LENG8: variants seen among roughly 807,000 people sequenced by gnomAD.
LENG8 encodes the protein leukocyte receptor cluster member 8, also known as leukocyte receptor cluster (LRC) member 8.
Under a neutral mutation model 102.1 loss-of-function variants are expected in LENG8, and 28 were observed. The ratio of observed to expected loss-of-function variants is 0.27; its 90% CI spans 0.20 to 0.38. LENG8 has a LOEUF of 0.38. Among genes scored for constraint, LENG8 ranks in the 10% least tolerant of loss-of-function variants. The probability of loss-of-function intolerance (pLI) is 1.00; values close to 1 mark genes in which losing one functional copy is unlikely to be tolerated. For synonymous variants in LENG8, 531 were observed against 456.7 expected (o/e 1.16, Z -2.07); for missense variants, 1,022 against 1,113.9 (o/e 0.92, Z 1.17).
intron 7 of LENG8, 30 bp from the exon 8 acceptor site, chr19:54,455,334 C>T: frequency 6.2e-7 from 1 of 1,610,562 alleles, no homozygotes; most frequent in Non-Finnish European, 8.5e-7. Context: ...GGATCGTCTC[C>T]AGCTGAGCCC....
At chr19:54,449,985 G>C (rs573788240) in intron 1 of LENG8, among the ~76,000 whole-genome samples, 4 of 152,150 alleles carry the variant, frequency 2.6e-5, no homozygotes, top group African/African-American at 4.8e-5. Context: ...TTCCTATCCC[G>C]TCAACTCGTG....
At position 54,455,597 on chromosome 19, in the gene LENG8, G is replaced by T. The variant is rs202120835; in HGVS notation, c.1025+30G>T. Reference sequence around the variant, plus strand: ...GTCTGGGTGGGGGACATAGGTGGGAGGGTGGTGCTGTGAGAGGCATGGGCT... The same window carrying T: ...GTCTGGGTGGGGGACATAGGTGGGATGGTGGTGCTGTGAGAGGCATGGGCT... On this transcript the variant is annotated intron_variant, in intron 8 of 15. Transcript: ENST00000326764. 4 of 1,579,666 alleles carry T rather than the reference G, an allele frequency of 2.5e-6. No individual in the cohort carries two copies. In the African/African-American group the frequency reaches 5.4e-5, roughly 21 times the overall value.
At chr19:54,460,184 G>A (rs1254490961) in intron 15 of LENG8, 2 of 1,289,908 alleles carry the variant, frequency 1.6e-6, no homozygotes, top group Admixed American at 2.3e-5. Context: ...CGGTGCCTGG[G>A]TTCCTGTGTG....
intron 4 of LENG8, among the ~76,000 whole-genome samples, 154 bp downstream of exon 4, chr19:54,452,906 T>C (rs1244192618): frequency 6.6e-6 from 1 of 151,922 alleles, no homozygotes; most frequent in Non-Finnish European, 1.5e-5. Context: ...GCCCAGGAGG[T>C]AAATTCCTAG....
rs756892790 is a variant in LENG8, at chr19:54,458,479, C to A, written c.2198C>A (p.Ala733Glu). 6.2e-7 allele frequency: 1 copy of A among 1,614,270 alleles called. No individual in the cohort carries two copies. Among genetic ancestry groups the A allele is most frequent in the Non-Finnish European group, 8.5e-7 (1 of 1,180,056 alleles). Residue 733 changes from alanine to glutamate, a missense_variant, in exon 15 of 16, where the codon GCA (alanine) becomes GAA (glutamate). Ala to Glu is a moderately radical substitution (Grantham distance 107). This residue lies in a region of LENG8 where 129 missense variants were observed against 123.0 expected (regional missense o/e 1.05). Coordinates refer to ENST00000326764, the MANE Select transcript of LENG8 (RefSeq NM_052925.4). ...TCTGGCTACCTCGTGGACAAGTTTGCAGATCGGGAGCGCAAGGTCGCCCTC... is the reference window on the plus strand; with the variant it reads ...TCTGGCTACCTCGTGGACAAGTTTGAAGATCGGGAGCGCAAGGTCGCCCTC... ...CMSGYLVDKF[A>E]DRERKVALKA...
At chr19:54,460,686 G>T in intron 15 of LENG8, 80 bp from the exon 16 acceptor site, 7 of 1,445,696 alleles carry the variant, frequency 4.8e-6, no homozygotes, top group East Asian at 5.1e-5. Context: ...GCACCCGAAT[G>T]GGGGGGCCTC....
chr19:54,449,390 C>G (rs931660595), intron 1 of LENG8, 80 bp downstream of exon 1: 1 of 152,216 alleles, frequency 6.6e-6, no homozygotes, highest in East Asian at 1.9e-4. Flanking sequence ...CCGAGGCCTT[C>G]TCGGCCGTCG....
At position 54,454,754 on chromosome 19, in the gene LENG8, G is replaced by C. The variant is rs1045106104; in HGVS notation, c.679+72G>C. ...AAGAGCTCCTGGGTGTGAGGCCCGT[G>C]GTGTGTGCTGCTCCTTGTTTCTGGG... On this transcript the variant is annotated intron_variant, in intron 6 of 15. Transcript: ENST00000326764. 2.0e-6 allele frequency: 3 copies of C among 1,489,410 alleles called. No homozygotes were observed. The Admixed American group carries it at 6.0e-5, about 30-fold the overall frequency. 92.3% of individuals were successfully genotyped at this position (1,489,410 alleles called of 1,614,324 possible).
intron 15 of LENG8, 68 bp from the exon 16 acceptor site, chr19:54,460,698 C>T (rs936634497): frequency 5.5e-6 from 8 of 1,448,444 alleles, no homozygotes; most frequent in Non-Finnish European, 5.5e-6. Context: ...GGGGGCCTCC[C>T]CGCTCGTGGG....
chr19:54,459,815 A>G (rs879665756), intron 15 of LENG8: 91 of 1,157,852 alleles, frequency 7.9e-5, no homozygotes, highest in East Asian at 5.7e-4. Flanking sequence ...ACAGAGCTCC[A>G]TGACCAGCTT....
intron 15 of LENG8, chr19:54,460,109 C>T: frequency 7.8e-7 from 1 of 1,289,840 alleles, no homozygotes; most frequent in Non-Finnish European, 1.0e-6. Flanking sequence ...GCTCTGATCC[C>T]AGGGCTTCCA....
chr19:54,455,778 A>G (rs1321112928), intron 8 of LENG8, among the ~76,000 whole-genome samples, 189 bp from the exon 9 acceptor site: 1 of 152,078 alleles, frequency 6.6e-6, no homozygotes, highest in African/African-American at 2.4e-5. Flanking sequence ...TGCATTGCTC[A>G]GTGGTTAAGC....
chr19:54,449,571 C>G (rs1041534342), intron 1 of LENG8: 1 of 152,158 alleles, frequency 6.6e-6, no homozygotes, highest in East Asian at 1.9e-4. Context: ...GGGCGCCCCT[C>G]ACTCGCCGTT....
rs890063419 is a variant in LENG8 at position 54,460,149 on chromosome 19, G to A, written c.2241-617G>A. The A allele has an allele frequency of 2.3e-6, 3 of 1,290,016 alleles. No individual in the cohort carries two copies. In the Admixed American group the frequency reaches 6.9e-5, roughly 30 times the overall value. 79.9% of individuals were successfully genotyped at this position (1,290,016 alleles called of 1,614,324 possible). A position where few individuals can be genotyped will look rare whatever the true frequency, so the allele number is the denominator to read the frequency against. ...AGCTCTGGCTTTGGAGCAGAAGCGG[G>A]TTCTAGGACTTAGTGCCCCTCACTC... On this transcript the variant is annotated intron_variant, in intron 15 of 15. Coordinates refer to ENST00000326764, the MANE Select transcript of LENG8 (RefSeq NM_052925.4).
chr19:54,454,280 C>T, intron 5 of LENG8, 150 bp from the exon 6 acceptor site: 14 of 716,480 alleles, frequency 2.0e-5, no homozygotes, highest in Non-Finnish European at 2.8e-5. Flanking sequence ...CACAGAGTTA[C>T]TGAGGACTCG....
intron 8 of LENG8, 91 bp downstream of exon 8, chr19:54,455,658 C>A: frequency 8.5e-7 from 1 of 1,180,824 alleles, no homozygotes; most frequent in African/African-American, 1.5e-5. Flanking sequence ...GTCCCAGGTA[C>A]CAGGAGCTCC....
chr19:54,458,738 T>A (rs1262467165), intron 15 of LENG8: 1 of 1,551,236 alleles, frequency 6.4e-7, no homozygotes, highest in East Asian at 2.4e-5. Flanking sequence ...CCTCTCCCTC[T>A]CCCCACTGTT....
In LENG8 at chr19:54,456,769, G is replaced by A. The variant is rs760877187; in HGVS notation, c.1579G>A (p.Glu527Lys). The A allele has an allele frequency of 5.6e-6, 9 of 1,611,630 alleles. No homozygotes were observed. The Admixed American group carries it at 8.3e-5, about 15-fold the overall frequency. The change falls in exon 11 of 16, where the codon GAG becomes AAG. Residue 527 changes from glutamate to lysine, a missense_variant. Coordinates refer to ENST00000326764, the MANE Select transcript of LENG8 (RefSeq NM_052925.4). Reference protein sequence around the residue: ...QHGHSRRLRLEPLVLQMSSLE... With the variant: ...QHGHSRRLRLKPLVLQMSSLE... ...CGGACACTCCCGCCGCCTGCGCCTC[G>A]AGCCCCTGGTGCTGCAGATGAGCAG...
rs965680132 is a variant in LENG8, at chr19:54,459,767, G to C, written c.2241-999G>C. On this transcript the variant is annotated intron_variant, in intron 15 of 15. Transcript: ENST00000326764. ...TTCAGGGAGAGGCTGAGCCAGGGTAGGAGTCACAGGAGCAGACGAGGATGT... is the reference window on the plus strand; with the variant it reads ...TTCAGGGAGAGGCTGAGCCAGGGTACGAGTCACAGGAGCAGACGAGGATGT... 5.5e-6 allele frequency: 6 copies of C among 1,081,962 alleles called. No homozygotes were observed. The African/African-American group carries it at 1.0e-4, about 18-fold the overall frequency. The allele number at this position is 1,081,962 out of a possible 1,614,324, so 67.0% of individuals were successfully genotyped here.
Sources: allele counts gnomAD v4.1 joint callset (sites outside exome capture counted in the v4.1 genomes callset), GRCh38; gene constraint gnomAD v4.1.1; regional missense constraint gnomAD v4.1.1; transcripts MANE v1.5; gene names NCBI Gene and HGNC (gene_info 2026-07-23, HGNC 2026-07-21).